The following PLD5 variants were observed in gnomAD, a reference collection of about 807,000 sequenced individuals.
The protein encoded by PLD5 is inactive phospholipase D5.
In PLD5, 36 loss-of-function variants were observed where a neutral mutation model predicts 61.1. That is an observed-to-expected ratio of 0.59 (90% confidence interval 0.45 to 0.78). The LOEUF is 0.78. Ranked by LOEUF, PLD5 falls within the 30% of genes least tolerant of loss-of-function variation. The probability of loss-of-function intolerance (pLI) is 0.00; values close to 1 mark genes in which losing one functional copy is unlikely to be tolerated. For synonymous variants in PLD5, 243 were observed against 242.8 expected (o/e 1.00, Z -0.01); for missense variants, 515 against 644.4 (o/e 0.80, Z 2.17).
intron 4 of PLD5, among the ~76,000 whole-genome samples, chr1:242,243,798 T>G: frequency 6.6e-6 from 1 of 152,212 alleles, no homozygotes; most frequent in Non-Finnish European, 1.5e-5. Flanking sequence ...GCTAGCAGAG[T>G]GATTTAACAC....
At chr1:242,206,919 A>G (rs962487938) in intron 5 of PLD5, among the ~76,000 whole-genome samples, 1 of 152,238 alleles carries the variant, frequency 6.6e-6, no homozygotes, top group African/African-American at 2.4e-5. Context: ...AGGAATTGGC[A>G]CATATGATTG....
At chr1:242,242,979 A>G (rs76344734) in intron 4 of PLD5, among the ~76,000 whole-genome samples, 1 of 152,328 alleles carries the variant, frequency 6.6e-6, no homozygotes, top group African/African-American at 2.4e-5. Context: ...TGAAAAACTC[A>G]TTCCCCATAT....
Position 242,351,596 on chromosome 1 carries a change from T to C in PLD5, c.190-3354A>G, listed in dbSNP as rs185316307. On this transcript the variant is annotated intron_variant, in intron 1 of 9. Transcript: ENST00000536534. Reference sequence around the variant, plus strand: ...TTTCCACCATGATTGTCCTCAGTCATGTGGAACTGTGAGTCCATAAAACCT... The same window carrying C: ...TTTCCACCATGATTGTCCTCAGTCACGTGGAACTGTGAGTCCATAAAACCT... Among the ~76,000 whole-genome samples, 430 of 152,330 alleles carry C rather than the reference T, an allele frequency of 2.8e-3. 3 individuals are homozygous for C. Among genetic ancestry groups the C allele is most frequent in the Admixed American group, 4.6e-3 (71 of 15,302 alleles).
chr1:242,411,207 G>T lies in PLD5; in HGVS notation c.190-62965C>A, dbSNP rs557495445. 4.6e-5 allele frequency among the ~76,000 whole-genome samples: 7 copies of T among 151,066 alleles called. 1 individual carries two copies. In the East Asian group the frequency reaches 1.4e-3, roughly 30 times the overall value. ...TCTCTCTCTACAAATCCCTGAGAAG[G>T]ATTGCCCAACCTGTGGTTTTGTTTT... On this transcript the variant is annotated intron_variant, in intron 1 of 9. Coordinates refer to ENST00000536534, the MANE Select transcript of PLD5 (RefSeq NM_001372062.1).
At chr1:242,136,833 A>G (rs903206186) in intron 5 of PLD5, among the ~76,000 whole-genome samples, 7 of 152,328 alleles carry the variant, frequency 4.6e-5, no homozygotes, top group Non-Finnish European at 8.8e-5. Context: ...TCTCAAATCA[A>G]TGTTTCAGTT....
At chr1:242,407,824 A>T (rs1008263714) in intron 1 of PLD5, among the ~76,000 whole-genome samples, 2 of 151,974 alleles carry the variant, frequency 1.3e-5, no homozygotes, top group African/African-American at 2.4e-5. Context: ...TGATCCACCC[A>T]CCTCAGTCTC....
intron 1 of PLD5, among the ~76,000 whole-genome samples, chr1:242,398,637 T>C (rs1433297567): frequency 6.6e-6 from 1 of 151,640 alleles, no homozygotes; most frequent in East Asian, 1.9e-4. Context: ...AAGGTTTAAA[T>C]TCTTGTTATA....
intron 1 of PLD5, among the ~76,000 whole-genome samples, chr1:242,396,712 C>T (rs1663602655): frequency 7.3e-6 from 1 of 136,624 alleles, no homozygotes; most frequent in Non-Finnish European, 1.5e-5. Flanking sequence ...CTCACTCTGT[C>T]ACCAGGCTGG....
At chr1:242,526,283 G>T (rs1450477486), upstream of PLD5, among the ~76,000 whole-genome samples, 1 of 152,170 alleles carries the variant, frequency 6.6e-6, no homozygotes, top group Non-Finnish European at 1.5e-5. Context: ...CTACCTGGGA[G>T]GCTGAGGCGG....
intron 5 of PLD5, among the ~76,000 whole-genome samples, chr1:242,217,940 G>T (rs1229683345): frequency 6.6e-6 from 1 of 152,170 alleles, no homozygotes; most frequent in Non-Finnish European, 1.5e-5. Context: ...GAAATAAAAA[G>T]GATTTAGAAT....
chr1:242,264,685 C>A (rs1022066291), intron 4 of PLD5, among the ~76,000 whole-genome samples: 4 of 152,130 alleles, frequency 2.6e-5, no homozygotes, highest in Non-Finnish European at 5.9e-5. Flanking sequence ...CACGCCTTTT[C>A]CTTTTAGAGG....
intron 5 of PLD5, among the ~76,000 whole-genome samples, chr1:242,183,758 G>T (rs550866103): frequency 1.4e-3 from 215 of 148,810 alleles, no homozygotes; most frequent in African/African-American, 5.0e-3. Context: ...GGCAGGCGTG[G>T]TGGCGGGCCC....
chr1:242,489,239 T>G (rs1668060992), intron 1 of PLD5, among the ~76,000 whole-genome samples: 1 of 152,076 alleles, frequency 6.6e-6, no homozygotes, highest in African/African-American at 2.4e-5. Flanking sequence ...AGTGAGTCCA[T>G]CATCCGTCCC....
intron 4 of PLD5, among the ~76,000 whole-genome samples, chr1:242,258,503 T>C (rs1673204376): frequency 6.6e-6 from 1 of 152,224 alleles, no homozygotes; most frequent in African/African-American, 2.4e-5. Context: ...CTGAAACATT[T>C]AGTCTTCACA....
chr1:242,193,018 T>C (rs900954298), intron 5 of PLD5, among the ~76,000 whole-genome samples: 11 of 152,264 alleles, frequency 7.2e-5, no homozygotes, highest in Admixed American at 5.2e-4. Flanking sequence ...CAGTACCACA[T>C]CCTCAGAGAG....
intron 1 of PLD5, among the ~76,000 whole-genome samples, chr1:242,508,953 T>TG (rs1228159524): frequency 6.6e-6 from 1 of 152,100 alleles, no homozygotes; most frequent in Admixed American, 6.5e-5. Context: ...TGGTGGTGCA[T>TG]GCCTGTAATC....
intron 1 of PLD5, among the ~76,000 whole-genome samples, chr1:242,429,398 T>A (rs1273024911): frequency 6.6e-6 from 1 of 152,234 alleles, no homozygotes; most frequent in Admixed American, 6.5e-5. Context: ...ATAATCTTTT[T>A]AAAATTTTTT....
chr1:242,267,784 G>A (rs1334180794), intron 3 of PLD5, among the ~76,000 whole-genome samples: 3 of 151,068 alleles, frequency 2.0e-5, no homozygotes, highest in Non-Finnish European at 4.4e-5. Flanking sequence ...CTACTCAGGA[G>A]GATGAGGTTG....
intron 1 of PLD5, among the ~76,000 whole-genome samples, chr1:242,505,034 G>C (rs12079980): frequency 0.017 from 2,586 of 152,240 alleles, 82 homozygotes; most frequent in African/African-American, 0.056. Context: ...GCATGTGCCT[G>C]TAGTCCTAGC....
Sources: gnomAD v4.1 joint callset for allele counts (sites outside exome capture counted in the v4.1 genomes callset) on GRCh38, gnomAD v4.1.1 for gene constraint, MANE v1.5 for transcripts, NCBI Gene and HGNC (gene_info 2026-07-23, HGNC 2026-07-21) for gene names.